The following GMPPB variants were observed in gnomAD, a reference collection of about 807,000 sequenced individuals.
The protein encoded by GMPPB is GDP-mannose pyrophosphorylase B.
Under a neutral mutation model 40.3 loss-of-function variants are expected in GMPPB, and 38 were observed. The ratio of observed to expected loss-of-function variants is 0.94; its 90% CI spans 0.73 to 1.24. The LOEUF (loss-of-function observed/expected upper bound fraction) is 1.24, where lower values mean the gene tolerates loss of function less well. Among genes scored for constraint, GMPPB ranks in the 50% most tolerant of loss-of-function variants. The probability of loss-of-function intolerance (pLI) is 0.00; values close to 1 mark genes in which losing one functional copy is unlikely to be tolerated. For synonymous variants in GMPPB, 193 were observed against 191.8 expected, an observed-to-expected ratio of 1.01 and a Z score of -0.05; for missense variants, 436 against 487.1, an observed-to-expected ratio of 0.90 and a Z score of 0.99.
rs769346834 is a variant in GMPPB at position 49,722,053 on chromosome 3, C to T, written c.863G>A (p.Arg288Gln). ...VVVEDGVCIR[R>Q]CTVLRDARIR... The stretch of plus-strand genomic sequence containing the variant: ...CCGGGCATCCCGCAGCACCGTGCAC[C>T]GCCGGATACACACACCATCTTCGAC... The change falls in exon 8 of 9, where the codon CGG becomes CAG. Residue 288 changes from arginine to glutamine, a missense_variant. Transcript: ENST00000308388. 8.7e-6 allele frequency: 14 copies of T among 1,613,472 alleles called. No individual in the cohort carries two copies. The highest frequency in any genetic ancestry group is 5.3e-5 in the African/African-American group (4 of 74,934).
In GMPPB at chr3:49,722,365, G is replaced by A. The variant is rs1343212366; in HGVS notation, c.641-7C>T. 1 of 1,613,720 alleles carries A rather than the reference G, an allele frequency of 6.2e-7. No individual in the cohort carries two copies. Among genetic ancestry groups the A allele is most frequent in the South Asian group, 1.1e-5 (1 of 91,056 alleles). On this transcript the variant is annotated splice_polypyrimidine_tract_variant and splice_region_variant and intron_variant, in intron 6 of 8. Coordinates refer to ENST00000308388, the MANE Select transcript of GMPPB (RefSeq NM_021971.4). The stretch of plus-strand genomic sequence containing the variant: ...CCAATGTCCATCCAGAAGCCTGTAG[G>A]GAGGGATGCATCAGGGGCCTCAGCC...
rs749936720 is a variant in GMPPB, at chr3:49,720,559, A to T, written c.*1193T>A. On this transcript the variant is annotated 3_prime_UTR_variant, in exon 9 of 9. Transcript: ENST00000308388. ...TCCTGGCAGATCCCTGCTTCCAGCT[A>T]CGCTCAATATGCTATCTCCTGGGAC... 16 of 1,611,240 alleles carry T rather than the reference A, an allele frequency of 9.9e-6. No individual in the cohort carries two copies. Among genetic ancestry groups the T allele is most frequent in the Non-Finnish European group, 1.1e-5 (13 of 1,178,284 alleles).
Position 49,721,578 on chromosome 3 carries a change from C to T in GMPPB, c.*174G>A. 1 of 812,580 alleles carries T rather than the reference C, an allele frequency of 1.2e-6. No homozygotes were observed. Among genetic ancestry groups the T allele is most frequent in the South Asian group, 1.4e-5 (1 of 69,492 alleles). 50.3% of individuals were successfully genotyped at this position (812,580 alleles called of 1,614,324 possible). A position where few individuals can be genotyped will look rare whatever the true frequency, so the allele number is the denominator to read the frequency against. On this transcript the variant is annotated 3_prime_UTR_variant, in exon 9 of 9. Coordinates refer to ENST00000308388, the MANE Select transcript of GMPPB (RefSeq NM_021971.4). ...GGGAGTGGGGTTTGTGGGGTGTGCC[C>T]AGCAGGGATCCTGCCAGATGATGTC... is the stretch of plus-strand genomic sequence containing the variant.
chr3:49,721,863 T>C lies in GMPPB; in HGVS notation c.972A>G (p.Thr324=). The change falls in exon 9 of 9, where the codon ACA becomes ACG. Residue 324 remains threonine (T), a synonymous_variant. Transcript: ENST00000308388. ...VGQWVRMENV[T]VLGEDVIVND... is the part of the protein sequence containing the mutation. Reference sequence around the variant, plus strand: ...TAACTATGACGTCCTCACCCAGCACTGTCACGTTCTCCATGCGTACCTCCA... The same window carrying C: ...TAACTATGACGTCCTCACCCAGCACCGTCACGTTCTCCATGCGTACCTCCA... The C allele has an allele frequency of 6.2e-7, 1 of 1,614,006 alleles. No individual in the cohort carries two copies. The highest frequency in any genetic ancestry group is 8.5e-7 in the Non-Finnish European group (1 of 1,180,012).
chr3:49,722,108 G>A lies in GMPPB; in HGVS notation c.808C>T (p.Pro270Ser), dbSNP rs1459776361. 4.3e-6 allele frequency: 7 copies of A among 1,613,358 alleles called. No homozygotes were observed. Among genetic ancestry groups the A allele is most frequent in the Non-Finnish European group, 5.9e-6 (7 of 1,179,950 alleles). The change falls in exon 8 of 9, where the codon CCC becomes TCC. Residue 270 changes from proline (P) to serine (S), a missense_variant. By Grantham distance (74) the Pro-to-Ser change is moderately conservative. Transcript: ENST00000308388. ...ACGCCAGGTCCCAGGCTCACATTGGGGCCAATGCTGCAGTTCTGGCCGATG... is the reference window on the plus strand; with the variant it reads ...ACGCCAGGTCCCAGGCTCACATTGGAGCCAATGCTGCAGTTCTGGCCGATG... ...ARIGQNCSIG[P>S]NVSLGPGVVV...
rs370438853 is a variant in GMPPB at position 49,720,317 on chromosome 3, GAA to G, written c.*1433_*1434del. 1,275 of 342,794 alleles carry G rather than the reference GAA, an allele frequency of 3.7e-3. No individual in the cohort carries two copies. Among genetic ancestry groups the G allele is most frequent in the Middle Eastern group, 6.0e-3 (8 of 1,338 alleles). The allele number at this position is 342,794 out of a possible 1,614,324, so 21.2% of individuals were successfully genotyped here. A position where few individuals can be genotyped will look rare whatever the true frequency, so the allele number is the denominator to read the frequency against. ...GGCAACAGAGCGAGACTCGTCTCAA[GAA>G]AAAAAAAAAAAAAACAGGCTGTGTG... On this transcript the variant is annotated 3_prime_UTR_variant, in exon 9 of 9. Transcript: ENST00000308388.
Position 49,720,413 on chromosome 3 carries a change from T to G in GMPPB, c.*1339A>C. On this transcript the variant is annotated 3_prime_UTR_variant, in exon 9 of 9. Coordinates refer to ENST00000308388, the MANE Select transcript of GMPPB (RefSeq NM_021971.4). ...GACGGAAAGGATGCAGGGGGGGTGA[T>G]CATGTACGAGCCATGGCACTCCTCA... 8.0e-7 allele frequency: 1 copy of G among 1,242,770 alleles called. No individual in the cohort carries two copies. The allele number at this position is 1,242,770 out of a possible 1,614,324, so 77.0% of individuals were successfully genotyped here. A position where few individuals can be genotyped will look rare whatever the true frequency, so the allele number is the denominator to read the frequency against.
In GMPPB at chr3:49,722,085, G is replaced by C; in HGVS notation, c.831C>G (p.Gly277=). Reference sequence around the variant, plus strand: ...TACACACACCATCTTCGACCACCACGCCAGGTCCCAGGCTCACATTGGGGC... The same window carrying C: ...TACACACACCATCTTCGACCACCACCCCAGGTCCCAGGCTCACATTGGGGC... ...SIGPNVSLGP[G]VVVEDGVCIR... is the part of the protein sequence containing the mutation. The change falls in exon 8 of 9, where the codon GGC becomes GGG. Residue 277 remains glycine (G), a synonymous_variant. Transcript: ENST00000308388. 1 of 1,613,600 alleles carries C rather than the reference G, an allele frequency of 6.2e-7. No individual in the cohort carries two copies. The highest frequency in any genetic ancestry group is 8.5e-7 in the Non-Finnish European group (1 of 1,180,032).
chr3:49,721,641 C>T lies in GMPPB; in HGVS notation c.*111G>A. On this transcript the variant is annotated 3_prime_UTR_variant, in exon 9 of 9. Transcript: ENST00000308388. ...CAGGTGTCCAACAGCTTCAGCTTCA[C>T]CCAGTGCCCCCCAGACAAATAATGA... is the stretch of plus-strand genomic sequence containing the variant. 1 of 1,077,802 alleles carries T rather than the reference C, an allele frequency of 9.3e-7. No homozygotes were observed. The highest frequency in any genetic ancestry group is 1.4e-6 in the Non-Finnish European group (1 of 733,786). 66.8% of individuals were successfully genotyped at this position (1,077,802 alleles called of 1,614,324 possible). A position where few individuals can be genotyped will look rare whatever the true frequency, so the allele number is the denominator to read the frequency against.
At position 49,722,592 on chromosome 3, in the gene GMPPB, A is replaced by C; in HGVS notation, c.561+4T>G. The C allele has an allele frequency of 6.2e-7, 1 of 1,613,872 alleles. No individual in the cohort carries two copies. Among genetic ancestry groups the C allele is most frequent in the East Asian group, 2.2e-5 (1 of 44,882 alleles). On this transcript the variant is annotated splice_donor_region_variant and intron_variant, in intron 5 of 8. Coordinates refer to ENST00000308388, the MANE Select transcript of GMPPB (RefSeq NM_021971.4). ...CAGCCCACCAACAGCTGTCTCCTAC[A>C]CACCTGGATGCGCTGCAGCACTGCA...
At position 49,723,489 on chromosome 3, in the gene GMPPB, CGACGGGCGGGCTCAGTCA is replaced by C; in HGVS notation, c.130-35_130-18del. On this transcript the variant is annotated intron_variant, in intron 1 of 8. Coordinates refer to ENST00000308388, the MANE Select transcript of GMPPB (RefSeq NM_021971.4). Reference sequence around the variant, plus strand: ...CACGCCTGCCTGTCAGAACGCAGGCCGACGGGCGGGCTCAGTCAGAAGGTACGGGAGCCCCTGACCCCT... The same window carrying C: ...CACGCCTGCCTGTCAGAACGCAGGCCGAAGGTACGGGAGCCCCTGACCCCT... The C allele has an allele frequency of 6.2e-7, 1 of 1,613,178 alleles. No homozygotes were observed. Among genetic ancestry groups the C allele is most frequent in the Non-Finnish European group, 8.5e-7 (1 of 1,179,982 alleles).
At chr3:49,722,388 G>T in intron 6 of GMPPB, 30 bp from the exon 7 acceptor site, 1 of 1,613,466 alleles carries the variant, frequency 6.2e-7, no homozygotes, top group East Asian at 2.2e-5. Flanking sequence ...AGGGGCCTCA[G>T]CCCAGCCACA....
Position 49,722,763 on chromosome 3 carries a change from A to G in GMPPB, c.403-9T>C, listed in dbSNP as rs771412553. ...TCCTCCACCTTGGTCACCTGAATGC[A>G]AGGAAGGGGACCTCGGACCTAGTCC... On this transcript the variant is annotated splice_polypyrimidine_tract_variant and intron_variant, in intron 4 of 8. Coordinates refer to ENST00000308388, the MANE Select transcript of GMPPB (RefSeq NM_021971.4). The G allele has an allele frequency of 2.5e-6, 4 of 1,607,872 alleles. No individual in the cohort carries two copies. The Admixed American group carries it at 6.7e-5, about 27-fold the overall frequency.
chr3:49,721,791 A>AGACTT lies in GMPPB; in HGVS notation c.1039_1043dup (p.Ile349SerfsTer119). 6.2e-7 allele frequency: 1 copy of AGACTT among 1,611,388 alleles called. No homozygotes were observed. The highest frequency in any genetic ancestry group is 1.3e-5 in the African/African-American group (1 of 75,068). On this transcript the variant is annotated frameshift_variant, in exon 9 of 9. Transcript: ENST00000308388. LOFTEE classifies it high-confidence loss of function. Reference sequence around the variant, plus strand: ...GAGGCTCTGGCACTGACTCGCCAATAGACTTGTGGGGCAGCACGCTGGCTC... The same window carrying AGACTT: ...GAGGCTCTGGCACTGACTCGCCAATAGACTTGACTTGTGGGGCAGCACGCTGGCTC...
Position 49,721,390 on chromosome 3 carries a change from C to T in GMPPB, c.*362G>A. ...CTATTTATGAGCTCCCTTTGCCCTT[C>T]TCCTGTATCCCACACCACCACATCC... On this transcript the variant is annotated 3_prime_UTR_variant, in exon 9 of 9. Transcript: ENST00000308388. The T allele has an allele frequency of 1.3e-6, 2 of 1,555,648 alleles. No individual in the cohort carries two copies. Among genetic ancestry groups the T allele is most frequent in the Non-Finnish European group, 1.8e-6 (2 of 1,127,572 alleles).
In GMPPB at chr3:49,722,580, G is replaced by T; in HGVS notation, c.561+16C>A. The T allele has an allele frequency of 6.2e-7, 1 of 1,613,558 alleles. No individual in the cohort carries two copies. The highest frequency in any genetic ancestry group is 1.3e-5 in the African/African-American group (1 of 75,052). ...CCTGCCCCACCCCAGCCCACCAACA[G>T]CTGTCTCCTACACACCTGGATGCGC... On this transcript the variant is annotated intron_variant, in intron 5 of 8. Coordinates refer to ENST00000308388, the MANE Select transcript of GMPPB (RefSeq NM_021971.4).
Position 49,723,594 on chromosome 3 carries a change from T to C in GMPPB, c.129+4A>G. 1 of 1,594,434 alleles carries C rather than the reference T, an allele frequency of 6.3e-7. No individual in the cohort carries two copies. Among genetic ancestry groups the C allele is most frequent in the East Asian group, 2.2e-5 (1 of 44,602 alleles). On this transcript the variant is annotated splice_donor_region_variant and intron_variant, in intron 1 of 8. Coordinates refer to ENST00000308388, the MANE Select transcript of GMPPB (RefSeq NM_021971.4). ...GCGACTCTGATCCCGACCCAGGGTC[T>C]TACCGCGGCTAGCGCCTCCACTTGG...
In GMPPB at chr3:49,721,457, C is replaced by A; in HGVS notation, c.*295G>T. Reference sequence around the variant, plus strand: ...TGTATCCTCATTGGTGGGAGCCCAGCCATGGCCCTAATTGTGCCTGAGCTT... The same window carrying A: ...TGTATCCTCATTGGTGGGAGCCCAGACATGGCCCTAATTGTGCCTGAGCTT... On this transcript the variant is annotated 3_prime_UTR_variant, in exon 9 of 9. Coordinates refer to ENST00000308388, the MANE Select transcript of GMPPB (RefSeq NM_021971.4). 1.9e-6 allele frequency: 2 copies of A among 1,071,428 alleles called. No homozygotes were observed. The highest frequency in any genetic ancestry group is 2.9e-6 in the Non-Finnish European group (2 of 691,126). 66.4% of individuals were successfully genotyped at this position (1,071,428 alleles called of 1,614,324 possible).
Position 49,722,492 on chromosome 3 carries a change from C to A in GMPPB, c.580G>T (p.Glu194Ter). The change falls in exon 6 of 9, where the codon GAG becomes TAG. Residue 194 changes from glutamate (E) to a stop codon, truncating the protein, a stop_gained. Transcript: ENST00000308388. LOFTEE classifies it high-confidence loss of function. ...QRIQLQPTSIEKEVFPIMAKE... is the reference protein window; with the variant it reads ...QRIQLQPTSI The stretch of plus-strand genomic sequence containing the variant: ...GCCATAATGGGGAAGACCTCCTTCT[C>A]AATGGACGTAGGCTGCAGCTGTGGG... 6.2e-7 allele frequency: 1 copy of A among 1,614,214 alleles called. No homozygotes were observed. Among genetic ancestry groups the A allele is most frequent in the South Asian group, 1.1e-5 (1 of 91,086 alleles).
Sources: gnomAD v4.1 joint callset for allele counts on GRCh38, gnomAD v4.1.1 for gene constraint, MANE v1.5 for transcripts, NCBI Gene and HGNC (gene_info 2026-07-23, HGNC 2026-07-21) for gene names.